AGMO: variants seen among roughly 807,000 people sequenced by gnomAD.
AGMO encodes glyceryl-ether monooxygenase.
Under a neutral mutation model 60.2 loss-of-function variants are expected in AGMO, and 75 were observed. The observed-to-expected ratio is 1.25, with a 90% confidence interval of 1.03 to 1.51. The LOEUF is 1.51. AGMO is among the 40% of genes most tolerant of loss of function. AGMO has a pLI of 0.00. For synonymous variants in AGMO, 261 were observed against 177.1 expected (o/e 1.47, Z -3.76); for missense variants, 763 against 525.5 (o/e 1.45, Z -4.42).
intron 12 of AGMO, among the ~76,000 whole-genome samples, chr7:15,303,335 A>G (rs1448961911): frequency 2.0e-5 from 3 of 152,126 alleles, no homozygotes; most frequent in East Asian, 3.8e-4. Context: ...TTTAAGATAC[A>G]TTAGGTAAAA....
At chr7:15,138,848 A>C in the AGMO span, among the ~76,000 whole-genome samples, 1 of 152,314 alleles carries the variant, frequency 6.6e-6, no homozygotes, top group Non-Finnish European at 1.5e-5. Context: ...AAAAAATTGT[A>C]AATTGACTTT....
At chr7:15,385,919 G>A (rs917950564) in intron 9 of AGMO, among the ~76,000 whole-genome samples, 1 of 152,136 alleles carries the variant, frequency 6.6e-6, no homozygotes, top group Non-Finnish European at 1.5e-5. Context: ...GGTGACTCAC[G>A]CCTGTAATCC....
At chr7:15,354,313 CGCGTGTATATACGT>C (rs149482070) in intron 12 of AGMO, among the ~76,000 whole-genome samples, 3,694 of 87,086 alleles carry the variant, frequency 0.042, 478 homozygotes, top group African/African-American at 0.085. Context: ...CGTGTATACA[CGCGTGTATATACGT>C]ACGCGTGTAT....
chr7:15,353,887 A>C (rs1183692529), intron 12 of AGMO, among the ~76,000 whole-genome samples: 1 of 152,172 alleles, frequency 6.6e-6, no homozygotes, highest in African/African-American at 2.4e-5. Flanking sequence ...TGCCTTAATA[A>C]AGATGATGCA....
chr7:15,404,696 A>T (rs1784638977), intron 5 of AGMO, among the ~76,000 whole-genome samples: 1 of 151,830 alleles, frequency 6.6e-6, no homozygotes, highest in Non-Finnish European at 1.5e-5. Context: ...GTCTTATGGT[A>T]CAAGCTCCAT....
chr7:15,393,551 G>A (rs1784239953), intron 6 of AGMO, among the ~76,000 whole-genome samples: 1 of 152,068 alleles, frequency 6.6e-6, no homozygotes, highest in Admixed American at 6.5e-5. Context: ...ATAGGGCTTG[G>A]GGTACACAAT....
rs569631707 is a variant in AGMO at position 15,459,196 on chromosome 7, T to C, written c.410-28088A>G. ...AGACACACACACGGGTTTCGTCAAT[T>C]TGATTGATTTAGTTAAGCCAATTCA... On this transcript the variant is annotated intron_variant, in intron 3 of 12. Transcript: ENST00000342526. Among the ~76,000 whole-genome samples, 14 of 152,296 alleles carry C rather than the reference T, an allele frequency of 9.2e-5. No individual in the cohort carries two copies. The South Asian group carries it at 2.9e-3, about 32-fold the overall frequency.
At chr7:15,399,161 T>C (rs1043368793) in intron 5 of AGMO, among the ~76,000 whole-genome samples, 2 of 152,132 alleles carry the variant, frequency 1.3e-5, no homozygotes, top group African/African-American at 2.4e-5. Flanking sequence ...CTGTAAGTTG[T>C]TTTTTCTCGG....
intron 10 of AGMO, among the ~76,000 whole-genome samples, chr7:15,377,061 G>C (rs1043474668): frequency 9.2e-5 from 14 of 152,036 alleles, no homozygotes; most frequent in Non-Finnish European, 1.6e-4. Context: ...CCAATTACAA[G>C]TCAGCCACAA....
In AGMO at chr7:15,397,429, G is replaced by T. The variant is rs978239128; in HGVS notation, c.610-3250C>A. On this transcript the variant is annotated intron_variant, in intron 5 of 12. Transcript: ENST00000342526. ...AGCAGAGGGAGTCGGCTCCGGCCTC[G>T]GCCAGCCCCACAGAGGGCCCCCCAC... Among the ~76,000 whole-genome samples the T allele has an allele frequency of 3.3e-5, 5 of 152,008 alleles. No individual in the cohort carries two copies. In the South Asian group the frequency reaches 1.0e-3, roughly 31 times the overall value.
chr7:15,354,421 TAC>T (rs59936302), intron 12 of AGMO, among the ~76,000 whole-genome samples: 586 of 14,648 alleles, frequency 0.04, 44 homozygotes, highest in Non-Finnish European at 0.042. Flanking sequence ...CGTGTGTGTA[TAC>T]ACACACGTGT....
At chr7:15,360,160 A>T (rs1782692883) in intron 12 of AGMO, among the ~76,000 whole-genome samples, 1 of 152,224 alleles carries the variant, frequency 6.6e-6, no homozygotes, top group Non-Finnish European at 1.5e-5. Context: ...TACTACTTTT[A>T]TTATTCTCAT....
chr7:15,467,490 A>G (rs1031643650), intron 3 of AGMO, among the ~76,000 whole-genome samples: 3 of 152,176 alleles, frequency 2.0e-5, no homozygotes, highest in South Asian at 4.1e-4. Flanking sequence ...AGACATTGTA[A>G]TGTTTTTCCT....
chr7:15,118,037 T>G, the AGMO span, among the ~76,000 whole-genome samples: 951 of 151,964 alleles, frequency 6.3e-3, 22 homozygotes, highest in East Asian at 0.033. Context: ...CAAAAGAAAT[T>G]TTCTTATTGC....
chr7:15,227,148 C>T (rs898221401), intron 12 of AGMO, among the ~76,000 whole-genome samples: 3 of 152,000 alleles, frequency 2.0e-5, no homozygotes, highest in Admixed American at 6.6e-5. Context: ...TAACTTTGAA[C>T]TCCTGCATAC....
chr7:15,282,027 A>C (rs1349876939), intron 12 of AGMO, among the ~76,000 whole-genome samples: 2 of 152,188 alleles, frequency 1.3e-5, no homozygotes, highest in African/African-American at 2.4e-5. Context: ...CTGCTATAAA[A>C]ATTAAATTCA....
chr7:15,489,420 T>C (rs1474721592), intron 3 of AGMO, among the ~76,000 whole-genome samples: 2 of 152,140 alleles, frequency 1.3e-5, no homozygotes, highest in South Asian at 2.1e-4. Context: ...GCTATTGTTA[T>C]ATTATTGCAG....
At chr7:15,354,473 C>T (rs191465125) in intron 12 of AGMO, among the ~76,000 whole-genome samples, 4,357 of 16,966 alleles carry the variant, frequency 0.26, 674 homozygotes, top group African/African-American at 0.34. Flanking sequence ...TGTGTGTATA[C>T]ACACGTGTGT....
At chr7:15,280,029 T>C (rs1451623743) in intron 12 of AGMO, among the ~76,000 whole-genome samples, 1 of 152,106 alleles carries the variant, frequency 6.6e-6, no homozygotes, top group Non-Finnish European at 1.5e-5. Flanking sequence ...CTGAAATTAG[T>C]GATATAATCT....
Sources: allele counts gnomAD v4.1 joint callset (sites outside exome capture counted in the v4.1 genomes callset), GRCh38; gene constraint gnomAD v4.1.1; transcripts MANE v1.5; gene names NCBI Gene and HGNC (gene_info 2026-07-23, HGNC 2026-07-21).